The following SDCBP variants were observed in gnomAD, a reference collection of about 807,000 sequenced individuals.
SDCBP encodes syndecan binding protein, also known as syntenin-1.
A neutral mutation model predicts 30.5 loss-of-function variants in SDCBP; 22 were observed. The observed-to-expected ratio is 0.72, with a 90% confidence interval of 0.52 to 1.03. The LOEUF (loss-of-function observed/expected upper bound fraction) is 1.03, where lower values mean the gene tolerates loss of function less well. Among genes scored for constraint, SDCBP ranks in the 50% least tolerant of loss-of-function variants. The pLI, the probability that SDCBP is intolerant of heterozygous loss-of-function variation, is 0.00. For synonymous variants in SDCBP, 103 were observed against 118.7 expected, an observed-to-expected ratio of 0.87 and a Z score of 0.86; for missense variants, 304 against 369.9, an observed-to-expected ratio of 0.82 and a Z score of 1.46.
intron 1 of SDCBP, among the ~76,000 whole-genome samples, chr8:58,562,820 A>G (rs1804508684): frequency 1.3e-5 from 2 of 152,214 alleles, no homozygotes; most frequent in Non-Finnish European, 2.9e-5. Flanking sequence ...CCAAGAAGAA[A>G]TATAGATTCA....
chr8:58,557,700 G>C (rs1290272514), intron 1 of SDCBP, among the ~76,000 whole-genome samples: 2 of 152,062 alleles, frequency 1.3e-5, no homozygotes, highest in Admixed American at 6.6e-5. Context: ...CCTGGTCAAA[G>C]GGTATGTGGG....
chr8:58,577,078 T>G (rs1355178151), intron 5 of SDCBP, among the ~76,000 whole-genome samples: 1 of 152,258 alleles, frequency 6.6e-6, no homozygotes, highest in Non-Finnish European at 1.5e-5. Flanking sequence ...ATTGCTCTTG[T>G]GTTCTTTCCT....
intron 6 of SDCBP, 88 bp downstream of exon 6, chr8:58,578,296 G>A: frequency 2.0e-6 from 2 of 991,738 alleles, no homozygotes; most frequent in Non-Finnish European, 1.4e-6. Context: ...ATATTATTTT[G>A]TTGCAGAAAA....
chr8:58,580,471 A>T, intron 7 of SDCBP, 46 bp from the exon 8 acceptor site: 1 of 939,470 alleles, frequency 1.1e-6, no homozygotes, highest in Non-Finnish European at 1.7e-6. Flanking sequence ...TGTATTTATT[A>T]AATAAAGCCT....
intron 1 of SDCBP, among the ~76,000 whole-genome samples, 187 bp downstream of exon 1, chr8:58,553,490 G>C (rs1460860335): frequency 6.6e-6 from 1 of 152,090 alleles, no homozygotes; most frequent in Non-Finnish European, 1.5e-5. Flanking sequence ...TGCTGGCTGG[G>C]GGGGCAAGTT....
chr8:58,579,937 C>T, intron 7 of SDCBP, 143 bp downstream of exon 7: 1 of 664,396 alleles, frequency 1.5e-6, no homozygotes, highest in Non-Finnish European at 2.4e-6. Context: ...TGGCCAGTCA[C>T]CGGAATTATT....
intron 1 of SDCBP, among the ~76,000 whole-genome samples, chr8:58,562,050 A>C (rs1421962616): frequency 6.6e-6 from 1 of 151,846 alleles, no homozygotes; most frequent in African/African-American, 2.4e-5. Flanking sequence ...CACACACACA[A>C]ATAAGGAATC....
intron 1 of SDCBP, among the ~76,000 whole-genome samples, chr8:58,563,513 T>C (rs1454187626): frequency 1.3e-5 from 2 of 152,010 alleles, no homozygotes; most frequent in Non-Finnish European, 1.5e-5. Context: ...GTGAATATAC[T>C]AAAAACCATT....
chr8:58,563,572 T>TAA (rs143167665), intron 1 of SDCBP, among the ~76,000 whole-genome samples: 4 of 149,944 alleles, frequency 2.7e-5, no homozygotes, highest in African/African-American at 7.3e-5. Context: ...GAATTAAATT[T>TAA]AAAAAAAAAA....
At chr8:58,554,814 A>G (rs956695734) in intron 1 of SDCBP, among the ~76,000 whole-genome samples, 2 of 152,222 alleles carry the variant, frequency 1.3e-5, no homozygotes, top group Admixed American at 6.5e-5. Context: ...ACTTTTAGCA[A>G]TAGTTACGTT....
At chr8:58,571,569 T>C (rs376581943) in intron 3 of SDCBP, among the ~76,000 whole-genome samples, 24 of 152,302 alleles carry the variant, frequency 1.6e-4, no homozygotes, top group African/African-American at 5.8e-4. Context: ...TTGTGCCTCA[T>C]AGAAAATTCA....
chr8:58,572,893 G>A (rs1480844596), intron 4 of SDCBP, among the ~76,000 whole-genome samples: 4 of 132,350 alleles, frequency 3.0e-5, no homozygotes, highest in East Asian at 2.5e-4. Context: ...TGCAACCTCC[G>A]CCTCTTGGGT....
chr8:58,558,357 C>CT (rs563970106), intron 1 of SDCBP, among the ~76,000 whole-genome samples: 173 of 152,298 alleles, frequency 1.1e-3, no homozygotes, highest in African/African-American at 4.1e-3. Flanking sequence ...CCACAGCTCA[C>CT]TGCAGCCTCA....
At chr8:58,557,496 A>G (rs1162294946) in intron 1 of SDCBP, among the ~76,000 whole-genome samples, 1 of 137,970 alleles carries the variant, frequency 7.2e-6, no homozygotes, top group Non-Finnish European at 1.5e-5. Context: ...ACATATGCAC[A>G]CACACACATA....
In SDCBP at chr8:58,581,893, C is replaced by T; in HGVS notation, c.*153C>T. On this transcript the variant is annotated 3_prime_UTR_variant, in exon 9 of 9. Transcript: ENST00000260130. The stretch of plus-strand genomic sequence containing the variant: ...ATTATGGCTGGGAATCTTACTCTTT[C>T]ATCTGATACCTTGTTCAGATTTCAA... 1.6e-6 allele frequency: 1 copy of T among 631,602 alleles called. No homozygotes were observed. Among genetic ancestry groups the T allele is most frequent in the Non-Finnish European group, 2.8e-6 (1 of 353,876 alleles). The allele number at this position is 631,602 out of a possible 1,614,324, so 39.1% of individuals were successfully genotyped here.
chr8:58,556,538 G>A (rs1294867214), intron 1 of SDCBP, among the ~76,000 whole-genome samples: 5 of 152,168 alleles, frequency 3.3e-5, no homozygotes, highest in Admixed American at 2.6e-4. Flanking sequence ...GAGGCCAGTT[G>A]TAGTTGGTGG....
rs369559769 is a variant in SDCBP at position 58,576,191 on chromosome 8, TACTA to T, written c.402+134_402+137del. 2.1e-3 allele frequency: 1,537 copies of T among 739,474 alleles called. 16 individuals are homozygous for T. The African/African-American group carries it at 0.025, about 12-fold the overall frequency. 45.8% of individuals were successfully genotyped at this position (739,474 alleles called of 1,614,324 possible). On this transcript the variant is annotated intron_variant, in intron 5 of 8. Transcript: ENST00000260130. ...TCTGTAGTTGAGAATATTTTAAATC[TACTA>T]ACTTAAATGTTTTCAATTGGGGATG...
At chr8:58,570,308 A>T (rs1382035764) in intron 2 of SDCBP, among the ~76,000 whole-genome samples, 1 of 152,176 alleles carries the variant, frequency 6.6e-6, no homozygotes, top group Non-Finnish European at 1.5e-5. Flanking sequence ...AAATTACATT[A>T]CCTTGTCATC....
At chr8:58,579,534 A>T in intron 6 of SDCBP, 89 bp from the exon 7 acceptor site, 1 of 944,124 alleles carries the variant, frequency 1.1e-6, no homozygotes, top group Non-Finnish European at 1.5e-6. Context: ...TTATAAAAGT[A>T]TCCAATATGG....
Sources: gnomAD v4.1 joint callset for allele counts (sites outside exome capture counted in the v4.1 genomes callset) on GRCh38, gnomAD v4.1.1 for gene constraint, MANE v1.5 for transcripts, NCBI Gene and HGNC (gene_info 2026-07-23, HGNC 2026-07-21) for gene names.